The following SRGAP1 variants were observed in gnomAD, a reference collection of about 807,000 sequenced individuals.
SRGAP1 encodes the protein SLIT-ROBO Rho GTPase-activating protein 1.
In SRGAP1, 43 loss-of-function variants were observed where a neutral mutation model predicts 121.9. The ratio of observed to expected loss-of-function variants is 0.35; its 90% CI spans 0.28 to 0.46. The LOEUF is 0.46. SRGAP1 is among the 20% of genes least tolerant of loss of function. The pLI is 1.00. For missense variants in SRGAP1, 1,102 were observed against 1,350.9 expected (o/e 0.82, Z 2.89); for synonymous variants, 447 against 485.4 (o/e 0.92, Z 1.04).
intron 1 of SRGAP1, among the ~76,000 whole-genome samples, chr12:63,930,128 C>G (rs1440628969): frequency 6.6e-6 from 1 of 152,040 alleles, no homozygotes; most frequent in Non-Finnish European, 1.5e-5. Flanking sequence ...ATCCATTTTC[C>G]TAAGAATTAC....
intron 10 of SRGAP1, among the ~76,000 whole-genome samples, chr12:64,084,128 T>A (rs1217959573): frequency 6.6e-6 from 1 of 152,232 alleles, no homozygotes; most frequent in Non-Finnish European, 1.5e-5. Context: ...AAGTATTTTA[T>A]CTCCTTTTTT....
At chr12:64,007,619 C>T (rs1461240573) in intron 3 of SRGAP1, among the ~76,000 whole-genome samples, 3 of 152,090 alleles carry the variant, frequency 2.0e-5, no homozygotes, top group Admixed American at 1.3e-4. Flanking sequence ...AAATAAGTCT[C>T]AGCTAGGACT....
intron 18 of SRGAP1, among the ~76,000 whole-genome samples, chr12:64,121,119 T>A (rs1224063249): frequency 6.6e-6 from 1 of 150,996 alleles, no homozygotes; most frequent in African/African-American, 2.4e-5. Context: ...GGCCAAGTGA[T>A]CCTCCCACCT....
intron 1 of SRGAP1, among the ~76,000 whole-genome samples, chr12:63,861,310 T>C (rs1174092077): frequency 1.4e-5 from 2 of 140,996 alleles, no homozygotes; most frequent in African/African-American, 5.2e-5. Context: ...ATATTTTTTT[T>C]TTTTTTTGAG....
Position 64,149,807 on chromosome 12 carries a change from A to G in SRGAP1, c.*7135A>G, listed in dbSNP as rs1019307057. On this transcript the variant is annotated 3_prime_UTR_variant, in exon 22 of 22. Transcript: ENST00000355086. ...ATGGTAAATTCTATCCACAGGCCATATAGCCCTGGAAAATATTGGGAAACT... is the reference window on the plus strand; with the variant it reads ...ATGGTAAATTCTATCCACAGGCCATGTAGCCCTGGAAAATATTGGGAAACT... 3.3e-5 allele frequency: 5 copies of G among 152,220 alleles called. No individual in the cohort carries two copies. The highest frequency in any genetic ancestry group is 7.3e-5 in the Non-Finnish European group (5 of 68,036). The allele number at this position is 152,220 out of a possible 1,614,324, so 9.4% of individuals were successfully genotyped here. A position where few individuals can be genotyped will look rare whatever the true frequency, so the allele number is the denominator to read the frequency against.
intron 1 of SRGAP1, chr12:63,983,044 A>G (rs965618471): frequency 4.6e-5 from 7 of 152,250 alleles, no homozygotes; most frequent in Admixed American, 1.3e-4. Flanking sequence ...TGTGAACAGA[A>G]TAATATACTG....
intron 21 of SRGAP1, among the ~76,000 whole-genome samples, chr12:64,138,526 T>TCTCGG (rs1284191543): frequency 6.9e-6 from 1 of 144,974 alleles, no homozygotes; most frequent in African/African-American, 2.6e-5. Flanking sequence ...AGTGGCGCCA[T>TCTCGG]CTCGGCTCAT....
At position 64,143,776 on chromosome 12, in the gene SRGAP1, C is replaced by T. The variant is rs942281036; in HGVS notation, c.*1104C>T. ...TGGGCAGCATAGTGTGAGACCCTGT[C>T]TCTTAAAAAAAAAAAAAATGCTACA... On this transcript the variant is annotated 3_prime_UTR_variant, in exon 22 of 22. Coordinates refer to ENST00000355086, the MANE Select transcript of SRGAP1 (RefSeq NM_020762.4). 6.6e-6 allele frequency: 1 copy of T among 151,012 alleles called. No homozygotes were observed. Among genetic ancestry groups the T allele is most frequent in the Non-Finnish European group, 1.5e-5 (1 of 67,924 alleles). 9.4% of individuals were successfully genotyped at this position (151,012 alleles called of 1,614,324 possible). A position where few individuals can be genotyped will look rare whatever the true frequency, so the allele number is the denominator to read the frequency against.
At chr12:64,079,263 T>G (rs2035793638) in intron 9 of SRGAP1, 147 bp downstream of exon 9, 3 of 861,900 alleles carry the variant, frequency 3.5e-6, no homozygotes, top group South Asian at 1.8e-5. Context: ...TCAGTCAGTT[T>G]CGGAAAGAGT....
intron 1 of SRGAP1, among the ~76,000 whole-genome samples, chr12:63,978,834 T>C (rs2033165955): frequency 6.6e-6 from 1 of 152,162 alleles, no homozygotes; most frequent in Non-Finnish European, 1.5e-5. Context: ...AATGTGTGAG[T>C]TCCAGTTTCT....
rs1205926652 is a variant in SRGAP1, at chr12:64,145,576, C to G, written c.*2904C>G. ...TGAGACTTTTTTTTTTTTTCAATTC[C>G]AAATGAAGGGTATGACCTCAGAGTG... On this transcript the variant is annotated 3_prime_UTR_variant, in exon 22 of 22. Transcript: ENST00000355086. 6.6e-6 allele frequency: 1 copy of G among 151,290 alleles called. No individual in the cohort carries two copies. Among genetic ancestry groups the G allele is most frequent in the Non-Finnish European group, 1.5e-5 (1 of 67,912 alleles). 9.4% of individuals were successfully genotyped at this position (151,290 alleles called of 1,614,324 possible).
At chr12:64,059,461 A>G (rs1297144326) in intron 6 of SRGAP1, among the ~76,000 whole-genome samples, 1 of 151,774 alleles carries the variant, frequency 6.6e-6, no homozygotes, top group Non-Finnish European at 1.5e-5. Context: ...TCCTGATTTC[A>G]TTCCTCTTGA....
At chr12:64,109,064 G>T (rs1316816766) in intron 16 of SRGAP1, 27 bp downstream of exon 16, 2 of 1,416,310 alleles carry the variant, frequency 1.4e-6, no homozygotes, top group African/African-American at 1.4e-5. Context: ...TCTGACAAAA[G>T]GCCCATCTGA....
At chr12:63,875,670 C>T (rs1295434279) in intron 1 of SRGAP1, among the ~76,000 whole-genome samples, 1 of 152,144 alleles carries the variant, frequency 6.6e-6, no homozygotes, top group East Asian at 1.9e-4. Flanking sequence ...AGCATAGGGA[C>T]ACTTTTAACA....
intron 4 of SRGAP1, among the ~76,000 whole-genome samples, chr12:64,023,653 C>A (rs1213322139): frequency 2.0e-5 from 3 of 152,186 alleles, no homozygotes; most frequent in Admixed American, 1.3e-4. Context: ...ATCACACTCT[C>A]TATGCATCAG....
chr12:63,918,426 C>G (rs770882781), intron 1 of SRGAP1, among the ~76,000 whole-genome samples: 2 of 152,112 alleles, frequency 1.3e-5, no homozygotes, highest in African/African-American at 2.4e-5. Flanking sequence ...ATTGCTTTCT[C>G]TCTTTTTTTA....
chr12:63,934,590 T>A (rs2031595337), intron 1 of SRGAP1, among the ~76,000 whole-genome samples: 1 of 152,196 alleles, frequency 6.6e-6, no homozygotes, highest in African/African-American at 2.4e-5. Context: ...TATTTCAAGC[T>A]TATGTTGGCC....
intron 1 of SRGAP1, among the ~76,000 whole-genome samples, chr12:63,859,856 T>C (rs1899387068): frequency 6.6e-6 from 1 of 152,200 alleles, no homozygotes; most frequent in Non-Finnish European, 1.5e-5. Context: ...TTTTCTTCCC[T>C]AATAAATATT....
At chr12:64,129,504 C>G (rs1407041744) in intron 21 of SRGAP1, among the ~76,000 whole-genome samples, 3 of 152,170 alleles carry the variant, frequency 2.0e-5, no homozygotes, top group African/African-American at 7.2e-5. Context: ...CAGACACACC[C>G]AGGAGTAACA....
Sources: allele counts gnomAD v4.1 joint callset (sites outside exome capture counted in the v4.1 genomes callset), GRCh38; gene constraint gnomAD v4.1.1; transcripts MANE v1.5; gene names NCBI Gene and HGNC (gene_info 2026-07-23, HGNC 2026-07-21).